The following DAAM1 variants were observed in gnomAD, a reference collection of about 807,000 sequenced individuals.
DAAM1 encodes dishevelled associated activator of morphogenesis 1.
DAAM1 carries 52 observed loss-of-function variants against 130.0 expected under a neutral mutation model. The observed-to-expected ratio is 0.40, with a 90% CI of 0.32 to 0.50. The LOEUF is 0.50. DAAM1 is among the 20% of genes least tolerant of loss of function. The pLI, the probability that DAAM1 is intolerant of heterozygous loss-of-function variation, is 0.61. For missense variants in DAAM1, 1,134 were observed against 1,303.8 expected (o/e 0.87, Z 2.01); for synonymous variants, 452 against 444.5 (o/e 1.02, Z -0.21).
chr14:59,352,765 C>G, intron 18 of DAAM1, 133 bp downstream of exon 18: 1 of 766,026 alleles, frequency 1.3e-6, no homozygotes, highest in African/African-American at 1.8e-5. Context: ...TAAAAATCTT[C>G]TCAAGTCTGA....
intron 1 of DAAM1, among the ~76,000 whole-genome samples, chr14:59,215,755 A>G (rs940260923): frequency 2.0e-5 from 3 of 152,272 alleles, no homozygotes; most frequent in Middle Eastern, 3.4e-3. Flanking sequence ...TGAGGTAGAT[A>G]AGGAAGGAAA....
intron 3 of DAAM1, among the ~76,000 whole-genome samples, chr14:59,308,352 T>C (rs1884448798): frequency 6.6e-6 from 1 of 152,160 alleles, no homozygotes; most frequent in South Asian, 2.1e-4. Context: ...AAGGGAAGAT[T>C]TGGGGAGGAT....
intron 8 of DAAM1, 116 bp from the exon 9 acceptor site, chr14:59,325,548 C>T: frequency 2.3e-6 from 2 of 873,486 alleles, no homozygotes; most frequent in Non-Finnish European, 3.5e-6. Context: ...TTACATTGTT[C>T]CTTTTTGAGA....
intron 3 of DAAM1, among the ~76,000 whole-genome samples, chr14:59,306,269 A>C (rs557663765): frequency 1.3e-5 from 2 of 152,226 alleles, no homozygotes; most frequent in Admixed American, 1.3e-4. Flanking sequence ...GGGATCACTC[A>C]CAAGGAGAGC....
Position 59,324,292 on chromosome 14 carries a change from G to A in DAAM1, c.885+54G>A. 2.8e-6 allele frequency: 4 copies of A among 1,415,370 alleles called. No individual in the cohort carries two copies. In the Middle Eastern group the frequency reaches 6.2e-4, roughly 218 times the overall value. 87.7% of individuals were successfully genotyped at this position (1,415,370 alleles called of 1,614,324 possible). On this transcript the variant is annotated intron_variant, in intron 7 of 24. Transcript: ENST00000360909. ...ATTAGTAAATAATAATTTATAAAAA[G>A]TGATTATTATGTAGTCTAAAAACCA...
rs765957580 is a variant in DAAM1, at chr14:59,326,500, TC to T, written c.1175-9del. The T allele has an allele frequency of 1.1e-5, 17 of 1,564,486 alleles. No individual in the cohort carries two copies. The highest frequency in any genetic ancestry group is 1.7e-4 in the Middle Eastern group (1 of 5,868). On this transcript the variant is annotated splice_polypyrimidine_tract_variant and intron_variant, in intron 10 of 24. Coordinates refer to ENST00000360909, the MANE Select transcript of DAAM1 (RefSeq NM_001270520.2). ...TGAAGATTTTTTTTCACTATTCTTT[TC>T]TTTTTTAGACAAGAGGAGTGGCAAC...
chr14:59,316,100 CT>C (rs1406604194), intron 4 of DAAM1, among the ~76,000 whole-genome samples: 5 of 152,210 alleles, frequency 3.3e-5, no homozygotes, highest in South Asian at 4.2e-4. Flanking sequence ...AATCCCATCC[CT>C]GTTGATAAGA....
chr14:59,274,124 T>G (rs1882847235), intron 2 of DAAM1, among the ~76,000 whole-genome samples: 1 of 152,196 alleles, frequency 6.6e-6, no homozygotes, highest in South Asian at 2.1e-4. Context: ...CTAGAATTTT[T>G]GTTCCTTGGC....
chr14:59,269,478 A>T (rs1882611580), intron 2 of DAAM1, among the ~76,000 whole-genome samples: 1 of 152,364 alleles, frequency 6.6e-6, no homozygotes, highest in East Asian at 1.9e-4. Context: ...CAGTGGATAA[A>T]CATCTACATA....
At chr14:59,272,426 A>G (rs1882749596) in intron 2 of DAAM1, among the ~76,000 whole-genome samples, 1 of 152,072 alleles carries the variant, frequency 6.6e-6, no homozygotes, top group South Asian at 2.1e-4. Flanking sequence ...TATTAATAAA[A>G]TTAGCCAGAT....
chr14:59,229,531 A>G lies in DAAM1; in HGVS notation c.-37-33910A>G, dbSNP rs1439487189. ...CAAGAATAAACATACAAACAAGATT[A>G]AAATGAAGACCCACACTGACTTACT... On this transcript the variant is annotated intron_variant, in intron 1 of 24. Transcript: ENST00000360909. 2.6e-5 allele frequency among the ~76,000 whole-genome samples: 4 copies of G among 152,308 alleles called. No individual in the cohort carries two copies. The East Asian group carries it at 7.7e-4, about 29-fold the overall frequency.
At chr14:59,326,180 G>T in intron 10 of DAAM1, 103 bp downstream of exon 10, 1 of 1,110,066 alleles carries the variant, frequency 9.0e-7, no homozygotes, top group Non-Finnish European at 1.3e-6. Flanking sequence ...TGCACACCAG[G>T]GATTCCAAGC....
At chr14:59,297,604 C>G (rs1274619795) in intron 3 of DAAM1, among the ~76,000 whole-genome samples, 2 of 152,146 alleles carry the variant, frequency 1.3e-5, no homozygotes, top group East Asian at 1.9e-4. Flanking sequence ...CTCCTCCCCT[C>G]CCTCCGTGGT....
At chr14:59,222,981 C>G (rs941073742) in intron 1 of DAAM1, among the ~76,000 whole-genome samples, 1 of 152,230 alleles carries the variant, frequency 6.6e-6, no homozygotes, top group African/African-American at 2.4e-5. Flanking sequence ...GAGGATGTCA[C>G]AGGGAACGGC....
At position 59,322,994 on chromosome 14, in the gene DAAM1, C is replaced by T. The variant is rs767407813; in HGVS notation, c.543C>T (p.Leu181=). Residue 181 remains leucine (L), a synonymous_variant, in exon 6 of 25, where the codon CTC becomes CTT. Coordinates refer to ENST00000360909, the MANE Select transcript of DAAM1 (RefSeq NM_001270520.2). ...ETSESRIHTS[L]IGCIKALMNN... ...CAGAGTCTCGAATACATACTTCTCT[C>T]ATTGGCTGTATAAAGGCGTTAATGA... 5.0e-6 allele frequency: 8 copies of T among 1,614,166 alleles called. No homozygotes were observed. In the East Asian group the frequency reaches 6.7e-5, roughly 13 times the overall value.
intron 3 of DAAM1, among the ~76,000 whole-genome samples, chr14:59,313,169 A>AG (rs749901450): frequency 1.3e-5 from 2 of 152,168 alleles, no homozygotes; most frequent in Non-Finnish European, 2.9e-5. Flanking sequence ...AAGGAGGAGG[A>AG]GAGAGAGTTT....
At chr14:59,326,799 C>G in intron 11 of DAAM1, 134 bp from the exon 12 acceptor site, 1 of 1,493,330 alleles carries the variant, frequency 6.7e-7, no homozygotes, top group Non-Finnish European at 9.1e-7. Context: ...TAAGTAACAT[C>G]TGGTCTTAAA....
intron 3 of DAAM1, among the ~76,000 whole-genome samples, chr14:59,306,244 G>A (rs1884378172): frequency 1.3e-5 from 2 of 152,190 alleles, no homozygotes; most frequent in Admixed American, 1.3e-4. Flanking sequence ...TCTAGGAACT[G>A]CTAAGTCTGT....
At chr14:59,286,127 A>G (rs1208489938) in intron 2 of DAAM1, among the ~76,000 whole-genome samples, 1 of 152,178 alleles carries the variant, frequency 6.6e-6, no homozygotes, top group African/African-American at 2.4e-5. Context: ...ATCTATCAAA[A>G]CCATAAAAAT....
Sources: allele counts gnomAD v4.1 joint callset (sites outside exome capture counted in the v4.1 genomes callset), GRCh38; gene constraint gnomAD v4.1.1; transcripts MANE v1.5; gene names NCBI Gene and HGNC (gene_info 2026-07-23, HGNC 2026-07-21).